Variants in SLC22A4 observed in about 807,000 individuals in gnomAD.
SLC22A4 encodes the protein ET transporter.
A neutral mutation model predicts 56.6 loss-of-function variants in SLC22A4; 39 were observed. That is an observed-to-expected ratio of 0.69 (90% CI 0.53 to 0.90). SLC22A4 has a LOEUF of 0.90. Among genes scored for constraint, SLC22A4 ranks in the 40% least tolerant of loss-of-function variants. The probability of loss-of-function intolerance (pLI) is 0.00; values close to 1 mark genes in which losing one functional copy is unlikely to be tolerated. For missense variants in SLC22A4, 594 were observed against 696.5 expected (o/e 0.85, Z 1.66); for synonymous variants, 241 against 281.4 (o/e 0.86, Z 1.44).
In SLC22A4 at chr5:132,330,177, A is replaced by C. The variant is rs555325095; in HGVS notation, c.952-1579A>C. The stretch of plus-strand genomic sequence containing the variant: ...TGTGTAAGTGTCTGATCATTCCTAG[A>C]AAAAAGGACACTCACATTTGGAGAG... On this transcript the variant is annotated intron_variant, in intron 5 of 9. Transcript: ENST00000200652. Among the ~76,000 whole-genome samples the C allele has an allele frequency of 3.9e-5, 6 of 152,284 alleles. No individual in the cohort carries two copies. The South Asian group carries it at 1.2e-3, about 32-fold the overall frequency.
At chr5:132,323,853 C>A (rs190215059) in intron 4 of SLC22A4, among the ~76,000 whole-genome samples, 1 of 152,342 alleles carries the variant, frequency 6.6e-6, no homozygotes, top group African/African-American at 2.4e-5. Flanking sequence ...AAACTATGTT[C>A]TCTGGCTCTA....
chr5:132,339,030 CG>C (rs1226199924), intron 8 of SLC22A4, among the ~76,000 whole-genome samples: 1 of 152,092 alleles, frequency 6.6e-6, no homozygotes, highest in Non-Finnish European at 1.5e-5. Flanking sequence ...TAAAGACAGG[CG>C]TAAGAAATTA....
intron 1 of SLC22A4, among the ~76,000 whole-genome samples, chr5:132,299,429 A>T (rs201231813): frequency 0.017 from 1,209 of 72,178 alleles, 22 homozygotes; most frequent in African/African-American, 0.055. Flanking sequence ...ATTTTATTTT[A>T]TTTTTTTGAG....
intron 1 of SLC22A4, chr5:132,311,270 A>G (rs1750172810): frequency 6.6e-6 from 1 of 152,256 alleles, no homozygotes; most frequent in African/African-American, 2.4e-5. Flanking sequence ...CCCAAGCCCA[A>G]AGTGCTCATT....
intron 1 of SLC22A4, among the ~76,000 whole-genome samples, chr5:132,310,387 G>C (rs1750150132): frequency 6.6e-6 from 1 of 152,210 alleles, no homozygotes; most frequent in Non-Finnish European, 1.5e-5. Context: ...TTTTTGGAGG[G>C]AGATGGCCAT....
intron 8 of SLC22A4, among the ~76,000 whole-genome samples, chr5:132,337,269 CTTTTTT>C (rs66717474): frequency 5.8e-4 from 28 of 48,250 alleles, no homozygotes; most frequent in African/African-American, 3.0e-3. Context: ...TAAAGATTAC[CTTTTTT>C]TTTTTTTTTT....
chr5:132,333,376 C>T (rs1329754970), intron 6 of SLC22A4, among the ~76,000 whole-genome samples: 2 of 152,148 alleles, frequency 1.3e-5, no homozygotes, highest in Admixed American at 1.3e-4. Flanking sequence ...CTTTTTGAAG[C>T]GGAAAGCAGG....
intron 3 of SLC22A4, among the ~76,000 whole-genome samples, chr5:132,317,940 T>C (rs1166863182): frequency 7.9e-5 from 12 of 152,248 alleles, no homozygotes; most frequent in African/African-American, 2.4e-5. Flanking sequence ...AGGGAAGAAC[T>C]GGGGAGACCC....
At chr5:132,305,487 A>G (rs1001120648) in intron 1 of SLC22A4, among the ~76,000 whole-genome samples, 1 of 152,216 alleles carries the variant, frequency 6.6e-6, no homozygotes, top group African/African-American at 2.4e-5. Flanking sequence ...CTGATATATC[A>G]TGGTAAAACT....
intron 1 of SLC22A4, among the ~76,000 whole-genome samples, chr5:132,298,329 G>A (rs1056910504): frequency 3.3e-5 from 5 of 152,206 alleles, no homozygotes; most frequent in Admixed American, 6.5e-5. Context: ...ATGCTACAAC[G>A]TGGATAAACC....
chr5:132,325,656 G>T (rs273912), intron 4 of SLC22A4, among the ~76,000 whole-genome samples: 108,930 of 152,098 alleles, frequency 0.72, 39,773 homozygotes, highest in African/African-American at 0.84. Flanking sequence ...ATAATTTGTT[G>T]TCTAGGCTAA....
intron 1 of SLC22A4, among the ~76,000 whole-genome samples, chr5:132,306,418 T>C (rs1580822377): frequency 1.3e-5 from 1 of 75,436 alleles, no homozygotes; most frequent in Non-Finnish European, 2.5e-5. Context: ...TATATATATA[T>C]ATATATATAT....
chr5:132,313,594 T>C lies in SLC22A4; in HGVS notation c.498-20T>C, dbSNP rs139192595. 3,905 of 1,613,546 alleles carry C rather than the reference T, an allele frequency of 2.4e-3. 17 individuals carry two copies. The highest frequency in any genetic ancestry group is 7.6e-3 in the Middle Eastern group (46 of 6,062). On this transcript the variant is annotated intron_variant, in intron 2 of 9. Coordinates refer to ENST00000200652, the MANE Select transcript of SLC22A4 (RefSeq NM_003059.3). ...GGCAACCTACACATCTCATGTTTTG[T>C]GTTATACTGCATTCTCTAGGTTTGG...
At chr5:132,306,421 A>AGT (rs2126705034) in intron 1 of SLC22A4, among the ~76,000 whole-genome samples, 1 of 74,302 alleles carries the variant, frequency 1.3e-5, no homozygotes, top group East Asian at 5.5e-4. Flanking sequence ...ATATATATAT[A>AGT]TATATATATA....
At chr5:132,315,629 G>A (rs560714833) in intron 3 of SLC22A4, among the ~76,000 whole-genome samples, 1 of 152,262 alleles carries the variant, frequency 6.6e-6, no homozygotes, top group South Asian at 2.1e-4. Context: ...GTGAAGAAGG[G>A]TAAGAGGGCC....
chr5:132,302,514 G>C (rs1187053376), intron 1 of SLC22A4, among the ~76,000 whole-genome samples: 1 of 152,210 alleles, frequency 6.6e-6, no homozygotes, highest in African/African-American at 2.4e-5. Context: ...TGAAGAAGGT[G>C]TGGAGAGAAT....
chr5:132,311,760 G>A, intron 1 of SLC22A4: 1 of 280,356 alleles, frequency 3.6e-6, no homozygotes, highest in South Asian at 4.1e-5. Flanking sequence ...TGCCCTTTGG[G>A]CTTTTCAAAC....
At chr5:132,307,000 G>A (rs1561536019) in intron 1 of SLC22A4, among the ~76,000 whole-genome samples, 2 of 152,144 alleles carry the variant, frequency 1.3e-5, no homozygotes, top group Non-Finnish European at 2.9e-5. Flanking sequence ...TTCTTTCAAG[G>A]GTGATGAAAA....
chr5:132,316,691 C>T (rs951072494), intron 3 of SLC22A4, among the ~76,000 whole-genome samples: 1 of 152,190 alleles, frequency 6.6e-6, no homozygotes, highest in African/African-American at 2.4e-5. Context: ...GAGGTTCCTC[C>T]TTTTGATAGG....
Sources: gnomAD v4.1 joint callset for allele counts (sites outside exome capture counted in the v4.1 genomes callset) on GRCh38, gnomAD v4.1.1 for gene constraint, MANE v1.5 for transcripts, NCBI Gene and HGNC (gene_info 2026-07-23, HGNC 2026-07-21) for gene names.